The following FBXO3 variants were observed in gnomAD, a reference collection of about 807,000 sequenced individuals.
FBXO3 encodes the protein F-box only protein 3.
Under a neutral mutation model 64.8 loss-of-function variants are expected in FBXO3, and 17 were observed. That is an observed-to-expected ratio of 0.26 (90% CI 0.18 to 0.39). FBXO3 has a LOEUF of 0.39. Ranked by LOEUF, FBXO3 falls within the 10% of genes least tolerant of loss-of-function variation. The pLI, the probability that FBXO3 is intolerant of heterozygous loss-of-function variation, is 1.00. For missense variants in FBXO3, 420 were observed against 589.9 expected, an observed-to-expected ratio of 0.71 and a Z score of 2.98; for synonymous variants, 182 against 201.6, an observed-to-expected ratio of 0.90 and a Z score of 0.82.
intron 3 of FBXO3, among the ~76,000 whole-genome samples, chr11:33,765,618 A>G (rs889423571): frequency 6.6e-6 from 1 of 152,178 alleles, no homozygotes; most frequent in Non-Finnish European, 1.5e-5. Flanking sequence ...CATAGTTTGT[A>G]TATTTGTCCC....
intron 2 of FBXO3, among the ~76,000 whole-genome samples, chr11:33,769,630 GC>G (rs1479410594): frequency 6.6e-6 from 1 of 152,118 alleles, no homozygotes; most frequent in Non-Finnish European, 1.5e-5. Context: ...GGGTAAGGCA[GC>G]CACAGACGGC....
At chr11:33,767,829 A>T (rs1324986675) in intron 3 of FBXO3, among the ~76,000 whole-genome samples, 1 of 152,204 alleles carries the variant, frequency 6.6e-6, no homozygotes, top group African/African-American at 2.4e-5. Flanking sequence ...CTACATACCA[A>T]GTAAATAGTA....
At chr11:33,767,999 T>C (rs1427691806) in intron 3 of FBXO3, among the ~76,000 whole-genome samples, 1 of 152,186 alleles carries the variant, frequency 6.6e-6, no homozygotes. Context: ...GAAAGTAATA[T>C]TTGCATGGGA....
intron 8 of FBXO3, among the ~76,000 whole-genome samples, chr11:33,750,136 C>T (rs1854917989): frequency 6.6e-6 from 1 of 151,592 alleles, no homozygotes; most frequent in Non-Finnish European, 1.5e-5. Context: ...TGTCTGACAT[C>T]CATGAAGCAC....
intron 3 of FBXO3, among the ~76,000 whole-genome samples, chr11:33,759,962 T>C (rs536141476): frequency 9.9e-5 from 15 of 151,652 alleles, no homozygotes; most frequent in African/African-American, 3.6e-4. Flanking sequence ...AAAGAGGGAA[T>C]TATAAACTGG....
chr11:33,757,061 C>T (rs776762983), intron 4 of FBXO3: 5 of 518,752 alleles, frequency 9.6e-6, no homozygotes, highest in Admixed American at 1.9e-5. Context: ...ACCTTATAAT[C>T]TCAATGTGAT....
chr11:33,755,984 C>T lies in FBXO3; in HGVS notation c.474-9G>A, dbSNP rs747911798. On this transcript the variant is annotated splice_polypyrimidine_tract_variant and intron_variant, in intron 4 of 10. Transcript: ENST00000265651. ...CCATGCTTCCCAATAACCTGAGGAG[C>T]ATACAGACTCAAACATGTAATACAC... The T allele has an allele frequency of 9.9e-6, 16 of 1,612,234 alleles. No homozygotes were observed. Among genetic ancestry groups the T allele is most frequent in the Non-Finnish European group, 4.2e-6 (5 of 1,178,752 alleles).
intron 1 of FBXO3, chr11:33,773,600 G>A (rs1345957160): frequency 6.6e-6 from 1 of 152,272 alleles, no homozygotes. Context: ...CTGACAGCTG[G>A]GGGGCGGGCT....
chr11:33,765,840 T>C (rs1025009499), intron 3 of FBXO3, among the ~76,000 whole-genome samples: 1 of 152,196 alleles, frequency 6.6e-6, no homozygotes, highest in African/African-American at 2.4e-5. Context: ...TTTTGCCATG[T>C]GACACGCCTG....
chr11:33,764,844 C>T lies in FBXO3; in HGVS notation c.358+4007G>A, dbSNP rs190911957. 4.8e-3 allele frequency among the ~76,000 whole-genome samples: 723 copies of T among 152,142 alleles called. 2 individuals are homozygous for T. Among genetic ancestry groups the T allele is most frequent in the Non-Finnish European group, 8.3e-3 (564 of 67,996 alleles). Reference sequence around the variant, plus strand: ...CAAAAATTAGCCAGGTGTGGTGGTTCGTGACTGTAGTCCCAGCTACTTGGG... The same window carrying T: ...CAAAAATTAGCCAGGTGTGGTGGTTTGTGACTGTAGTCCCAGCTACTTGGG... On this transcript the variant is annotated intron_variant, in intron 3 of 10. Coordinates refer to ENST00000265651, the MANE Select transcript of FBXO3 (RefSeq NM_012175.4).
chr11:33,745,372 A>G (rs1418937574), intron 10 of FBXO3: 3 of 152,092 alleles, frequency 2.0e-5, no homozygotes, highest in Admixed American at 6.6e-5. Context: ...TCATTTATAG[A>G]GTAATATTCC....
intron 8 of FBXO3, among the ~76,000 whole-genome samples, chr11:33,750,276 C>T (rs949460768): frequency 6.6e-6 from 1 of 152,150 alleles, no homozygotes; most frequent in Non-Finnish European, 1.5e-5. Context: ...ATGACGACTA[C>T]AACTTAGTGG....
At chr11:33,758,086 A>G (rs1053608065) in intron 4 of FBXO3, among the ~76,000 whole-genome samples, 4 of 152,194 alleles carry the variant, frequency 2.6e-5, no homozygotes, top group Non-Finnish European at 4.4e-5. Context: ...GCAGCTCTGG[A>G]CAAATGATTG....
At chr11:33,758,935 A>C (rs1449154691) in intron 3 of FBXO3, among the ~76,000 whole-genome samples, 2 of 152,040 alleles carry the variant, frequency 1.3e-5, no homozygotes, top group Admixed American at 6.6e-5. Flanking sequence ...ATAAAAAAAA[A>C]AACAGCAAAA....
At position 33,741,157 on chromosome 11, in the gene FBXO3, G is replaced by A. The variant is rs1443960317; in HGVS notation, c.*751C>T. On this transcript the variant is annotated 3_prime_UTR_variant, in exon 11 of 11. Transcript: ENST00000265651. ...TTTACAAATTTAAACTACATGAGAT[G>A]TTGTGAACAATCTTTTGTTAATAAA... is the stretch of plus-strand genomic sequence containing the variant. 1 of 152,598 alleles carries A rather than the reference G, an allele frequency of 6.6e-6. No individual in the cohort carries two copies. The highest frequency in any genetic ancestry group is 6.5e-5 in the Admixed American group (1 of 15,276). The allele number at this position is 152,598 out of a possible 1,614,324, so 9.5% of individuals were successfully genotyped here.
At chr11:33,761,611 G>A (rs1179171417) in intron 3 of FBXO3, among the ~76,000 whole-genome samples, 4 of 152,144 alleles carry the variant, frequency 2.6e-5, no homozygotes, top group African/African-American at 9.7e-5. Context: ...TGTAATATTA[G>A]CAGCTTAAAG....
intron 4 of FBXO3, chr11:33,757,108 CTG>C: frequency 1.9e-6 from 1 of 517,188 alleles, no homozygotes. Context: ...CAACCCTCAT[CTG>C]AAATTGTAAC....
chr11:33,760,190 T>C (rs1855208573), intron 3 of FBXO3, among the ~76,000 whole-genome samples: 1 of 152,146 alleles, frequency 6.6e-6, no homozygotes, highest in African/African-American at 2.4e-5. Flanking sequence ...ATAAACCCTA[T>C]GGAGAAAAAT....
chr11:33,742,050 TCTTC>T lies in FBXO3; in HGVS notation c.1270_1273del (p.Glu424LysfsTer63). The T allele has an allele frequency of 6.2e-7, 1 of 1,605,528 alleles. No individual in the cohort carries two copies. Among genetic ancestry groups the T allele is most frequent in the Non-Finnish European group, 8.5e-7 (1 of 1,175,282 alleles). Reference sequence around the variant, plus strand: ...TTCCTCCTCTTCCTCCTCCTCCTCTTCTTCCATCTCTTCATATTCATCAGGACCC... The same window carrying T: ...TTCCTCCTCTTCCTCCTCCTCCTCTTCATCTCTTCATATTCATCAGGACCC... On this transcript the variant is annotated frameshift_variant, in exon 11 of 11. Transcript: ENST00000265651. LOFTEE classifies it high-confidence loss of function.
Sources: gnomAD v4.1 joint callset for allele counts (sites outside exome capture counted in the v4.1 genomes callset) on GRCh38, gnomAD v4.1.1 for gene constraint, MANE v1.5 for transcripts, NCBI Gene and HGNC (gene_info 2026-07-23, HGNC 2026-07-21) for gene names.